Variants in ICA1L observed in about 807,000 individuals in gnomAD.
ICA1L encodes islet cell autoantigen 1-like protein.
ICA1L carries 50 observed loss-of-function variants against 61.3 expected under a neutral mutation model. That is an observed-to-expected ratio of 0.82 (90% CI 0.65 to 1.03). ICA1L has a LOEUF of 1.03. Ranked by LOEUF, ICA1L falls within the 50% of genes least tolerant of loss-of-function variation. The probability of loss-of-function intolerance (pLI) is 0.00; values close to 1 mark genes in which losing one functional copy is unlikely to be tolerated. For missense variants in ICA1L, 508 were observed against 556.7 expected (o/e 0.91, Z 0.88); for synonymous variants, 161 against 191.3 (o/e 0.84, Z 1.31).
intron 1 of ICA1L, among the ~76,000 whole-genome samples, chr2:202,845,395 G>A (rs1194973767): frequency 6.6e-6 from 1 of 152,088 alleles, no homozygotes. Context: ...GGGAGGCCAA[G>A]GCGGGTGAAT....
intron 3 of ICA1L, among the ~76,000 whole-genome samples, chr2:202,825,198 G>A (rs1693806710): frequency 6.6e-6 from 1 of 152,216 alleles, no homozygotes; most frequent in African/African-American, 2.4e-5. Flanking sequence ...CCCAGGCATG[G>A]TGACTCACAC....
chr2:202,817,146 T>A (rs529814409), intron 6 of ICA1L, among the ~76,000 whole-genome samples: 1 of 152,290 alleles, frequency 6.6e-6, no homozygotes, highest in African/African-American at 2.4e-5. Context: ...AAATGGGCCT[T>A]AAATTTTGCC....
At position 202,814,779 on chromosome 2, in the gene ICA1L, T is replaced by C; in HGVS notation, c.789A>G (p.Leu263=). Residue 263 remains leucine, a synonymous_variant, in exon 8 of 13, where the codon CTA becomes CTG. Transcript: ENST00000358299. ...CACTAATCTTGCTTGGCGTGTCTTG[T>C]AGTTGCTAAAGATAAGAAAGTCAAT... is the stretch of plus-strand genomic sequence containing the variant. The part of the protein sequence containing the change: ...HPYDFVALKQ[L]QDTPSKISED... The C allele has an allele frequency of 6.2e-7, 1 of 1,611,044 alleles. No homozygotes were observed. The highest frequency in any genetic ancestry group is 8.5e-7 in the Non-Finnish European group (1 of 1,177,620).
intron 1 of ICA1L, among the ~76,000 whole-genome samples, chr2:202,857,727 CTGACAAA>C (rs1694804777): frequency 1.3e-5 from 2 of 152,162 alleles, no homozygotes; most frequent in Admixed American, 6.5e-5. Flanking sequence ...ATCTATCCTT[CTGACAAA>C]GGTCTAATAT....
chr2:202,841,076 C>A, intron 1 of ICA1L: 1 of 637,138 alleles, frequency 1.6e-6, no homozygotes, highest in Non-Finnish European at 3.0e-6. Flanking sequence ...TCTGGGACTG[C>A]AGCTTCTGGA....
chr2:202,815,812 ATT>A (rs1693516203), intron 7 of ICA1L, 97 bp downstream of exon 7: 1 of 676,808 alleles, frequency 1.5e-6, no homozygotes. Context: ...TGTTTTGTAA[ATT>A]TTAAATTAAC....
Position 202,849,665 on chromosome 2 carries a change from G to C in ICA1L, c.-7-20649C>G, listed in dbSNP as rs944875652. Among the ~76,000 whole-genome samples, 1 of 152,178 alleles carries C rather than the reference G, an allele frequency of 6.6e-6. No individual in the cohort carries two copies. The highest frequency in any genetic ancestry group is 2.4e-5 in the African/African-American group (1 of 41,420). ...TTAGATAAAACTCCCATCTCCCTAG[G>C]ACAGAGCACCTGGGGGAAGGGGCAA... On this transcript the variant is annotated intron_variant, in intron 1 of 12. Transcript: ENST00000358299. The surrounding 1 kb of genome is among the most constrained non-coding windows in gnomAD (Gnocchi z 4.5).
At chr2:202,847,891 T>C (rs1038904131) in intron 1 of ICA1L, among the ~76,000 whole-genome samples, 1 of 151,978 alleles carries the variant, frequency 6.6e-6, no homozygotes, top group East Asian at 1.9e-4. Context: ...CATGGAATAC[T>C]ATGCAGCCAT....
chr2:202,835,071 A>G (rs1241540480), intron 1 of ICA1L, among the ~76,000 whole-genome samples: 1 of 152,102 alleles, frequency 6.6e-6, no homozygotes, highest in Non-Finnish European at 1.5e-5. Context: ...TGACAAGTAA[A>G]AATTGTATAT....
At chr2:202,865,069 A>AG (rs2105892672) in intron 1 of ICA1L, among the ~76,000 whole-genome samples, 1 of 152,180 alleles carries the variant, frequency 6.6e-6, no homozygotes, top group East Asian at 1.9e-4. Flanking sequence ...AGGCTGAGGC[A>AG]GGAGAATTGC....
intron 8 of ICA1L, 55 bp from the exon 9 acceptor site, chr2:202,811,844 C>T: frequency 7.9e-7 from 1 of 1,263,120 alleles, no homozygotes; most frequent in South Asian, 1.2e-5. Flanking sequence ...ACTTGTGATT[C>T]ATATTCCCCA....
At chr2:202,863,173 T>G (rs1694968595) in intron 1 of ICA1L, among the ~76,000 whole-genome samples, 1 of 151,852 alleles carries the variant, frequency 6.6e-6, no homozygotes, top group African/African-American at 2.4e-5. Flanking sequence ...GCACCTGTAA[T>G]CCCAGCTACT....
At chr2:202,815,888 A>C in intron 7 of ICA1L, 23 bp downstream of exon 7, 1 of 1,426,546 alleles carries the variant, frequency 7.0e-7, no homozygotes, top group Non-Finnish European at 9.5e-7. Flanking sequence ...CATCTAAACA[A>C]GAGAACATGG....
At chr2:202,869,617 T>C (rs756597325) in intron 1 of ICA1L, 3 of 152,094 alleles carry the variant, frequency 2.0e-5, no homozygotes, top group Non-Finnish European at 4.4e-5. Flanking sequence ...TAGAAAGAAA[T>C]ACAACAAAAT....
At chr2:202,803,870 TA>T (rs546380995) in intron 9 of ICA1L, among the ~76,000 whole-genome samples, 1 of 152,034 alleles carries the variant, frequency 6.6e-6, no homozygotes, top group African/African-American at 2.4e-5. Flanking sequence ...TATATAACAA[TA>T]AAAAATTAAT....
chr2:202,840,962 G>A, intron 1 of ICA1L: 1 of 699,226 alleles, frequency 1.4e-6, no homozygotes, highest in Non-Finnish European at 2.7e-6. Context: ...CAGCCTGGCT[G>A]TGGTTGGCCA....
intron 12 of ICA1L, among the ~76,000 whole-genome samples, chr2:202,785,312 A>T (rs912258141): frequency 6.6e-6 from 1 of 152,154 alleles, no homozygotes; most frequent in Admixed American, 6.5e-5. Flanking sequence ...TCCTGTAATC[A>T]GAAAGCATCT....
intron 3 of ICA1L, chr2:202,825,454 A>G (rs530775204): frequency 4.7e-6 from 5 of 1,065,152 alleles, no homozygotes; most frequent in East Asian, 9.0e-5. Flanking sequence ...TGAGTGACAG[A>G]GAAAGACCCT....
intron 9 of ICA1L, among the ~76,000 whole-genome samples, chr2:202,801,749 G>A (rs1693090619): frequency 6.6e-6 from 1 of 152,228 alleles, no homozygotes; most frequent in African/African-American, 2.4e-5. Flanking sequence ...CAATGCCTGT[G>A]CTGACACGGC....
Sources: gnomAD v4.1 joint callset for allele counts (sites outside exome capture counted in the v4.1 genomes callset) on GRCh38, gnomAD v4.1.1 for gene constraint, Gnocchi (gnomAD v3.1) non-coding constraint, MANE v1.5 for transcripts, NCBI Gene and HGNC (gene_info 2026-07-23, HGNC 2026-07-21) for gene names.